The following PRKAR2A variants were observed in gnomAD, a reference collection of about 807,000 sequenced individuals.
PRKAR2A encodes the protein protein kinase cAMP-dependent type II regulatory subunit alpha.
A neutral mutation model predicts 51.9 loss-of-function variants in PRKAR2A; 29 were observed. The observed-to-expected ratio is 0.56, with a 90% CI of 0.42 to 0.76. The LOEUF is 0.76. Ranked by LOEUF, PRKAR2A falls within the 30% of genes least tolerant of loss-of-function variation. The pLI is 0.00. For synonymous variants in PRKAR2A, 178 were observed against 186.2 expected (o/e 0.96, Z 0.36); for missense variants, 445 against 512.1 (o/e 0.87, Z 1.26).
chr3:48,822,032 T>C (rs1012598846), intron 1 of PRKAR2A, among the ~76,000 whole-genome samples: 6 of 152,000 alleles, frequency 3.9e-5, no homozygotes, highest in Admixed American at 3.3e-4. Context: ...GAGACCAGCC[T>C]GGCCAACATG....
chr3:48,838,760 C>T (rs2083327144), intron 1 of PRKAR2A, among the ~76,000 whole-genome samples: 2 of 150,110 alleles, frequency 1.3e-5, no homozygotes, highest in Non-Finnish European at 3.0e-5. Flanking sequence ...AGGCGGATCA[C>T]GAGGTCAGGA....
Position 48,843,637 on chromosome 3 carries a change from G to T in PRKAR2A, c.262+3698C>A, listed in dbSNP as rs372094245. Among the ~76,000 whole-genome samples the T allele has an allele frequency of 8.7e-4, 132 of 152,184 alleles. 2 individuals carry two copies. In the East Asian group the frequency reaches 0.022, roughly 25 times the overall value. On this transcript the variant is annotated intron_variant, in intron 1 of 10. Coordinates refer to ENST00000265563, the MANE Select transcript of PRKAR2A (RefSeq NM_004157.4). Reference sequence around the variant, plus strand: ...AGCATGGTACTGGTACCAAAACAGAGATATAGATCAATGGAACAGAACAGA... The same window carrying T: ...AGCATGGTACTGGTACCAAAACAGATATATAGATCAATGGAACAGAACAGA...
chr3:48,766,896 T>C (rs1451167603), intron 6 of PRKAR2A, among the ~76,000 whole-genome samples: 1 of 152,144 alleles, frequency 6.6e-6, no homozygotes, highest in African/African-American at 2.4e-5. Flanking sequence ...CAGGCTGGCT[T>C]TGAACTCCTG....
At position 48,847,202 on chromosome 3, in the gene PRKAR2A, G is replaced by GA; in HGVS notation, c.262+132dup. ...ACGCCGGTGTCTCAGGGAAACGCTAGAAACGCGGCTACAGAGCTCCCAATC... is the reference window on the plus strand; with the variant it reads ...ACGCCGGTGTCTCAGGGAAACGCTAGAAAACGCGGCTACAGAGCTCCCAATC... On this transcript the variant is annotated intron_variant, in intron 1 of 10. Transcript: ENST00000265563. This position sits in a 1 kb window ranked among gnomAD's most constrained non-coding sequence, Gnocchi z 4.4. 1.7e-6 allele frequency: 2 copies of GA among 1,179,678 alleles called. No homozygotes were observed. The highest frequency in any genetic ancestry group is 2.3e-6 in the Non-Finnish European group (2 of 860,312). The allele number at this position is 1,179,678 out of a possible 1,614,324, so 73.1% of individuals were successfully genotyped here.
At chr3:48,838,054 T>G (rs746673810) in intron 1 of PRKAR2A, among the ~76,000 whole-genome samples, 17 of 151,950 alleles carry the variant, frequency 1.1e-4, no homozygotes, top group Non-Finnish European at 2.1e-4. Flanking sequence ...GGCGGGCGCC[T>G]GTAGTCCCAG....
intron 1 of PRKAR2A, among the ~76,000 whole-genome samples, chr3:48,833,903 G>A (rs1461735310): frequency 1.3e-5 from 2 of 151,536 alleles, no homozygotes; most frequent in East Asian, 3.9e-4. Flanking sequence ...CGGGCATGGT[G>A]GTGTGCACCT....
Position 48,847,754 on chromosome 3 carries a change from C to G in PRKAR2A, c.-158G>C. ...TTTGGCCGGCTCTGCGTTTCCGGGCCGCGCAACCCTACGCTACCACGGCCG... is the reference window on the plus strand; with the variant it reads ...TTTGGCCGGCTCTGCGTTTCCGGGCGGCGCAACCCTACGCTACCACGGCCG... On this transcript the variant is annotated 5_prime_UTR_variant, in exon 1 of 11. Transcript: ENST00000265563. This position sits in a 1 kb window ranked among gnomAD's most constrained non-coding sequence, Gnocchi z 4.4. The G allele has an allele frequency of 1.3e-6, 1 of 764,772 alleles. No homozygotes were observed. The highest frequency in any genetic ancestry group is 3.1e-5 in the South Asian group (1 of 32,770). 47.4% of individuals were successfully genotyped at this position (764,772 alleles called of 1,614,324 possible).
At chr3:48,774,871 A>G (rs534090112) in intron 5 of PRKAR2A, among the ~76,000 whole-genome samples, 1 of 151,852 alleles carries the variant, frequency 6.6e-6, no homozygotes, top group East Asian at 1.9e-4. Flanking sequence ...TATTGCATTG[A>G]CTATAACCTC....
chr3:48,777,054 C>A (rs1383700875), intron 5 of PRKAR2A, among the ~76,000 whole-genome samples: 2 of 152,098 alleles, frequency 1.3e-5, no homozygotes, highest in Non-Finnish European at 2.9e-5. Context: ...CCTGAGTGCT[C>A]CCTCCTTCGG....
At chr3:48,840,487 C>T (rs1228349588) in intron 1 of PRKAR2A, among the ~76,000 whole-genome samples, 3 of 148,098 alleles carry the variant, frequency 2.0e-5, no homozygotes, top group African/African-American at 5.0e-5. Flanking sequence ...GAGCAACACT[C>T]GGTCTTATGT....
intron 2 of PRKAR2A, among the ~76,000 whole-genome samples, chr3:48,800,948 C>T (rs1302692320): frequency 6.6e-6 from 1 of 152,168 alleles, no homozygotes; most frequent in African/African-American, 2.4e-5. Context: ...GCTGGGATTA[C>T]AGGCATGAGC....
At chr3:48,766,671 C>A (rs1360418675) in intron 6 of PRKAR2A, among the ~76,000 whole-genome samples, 1 of 152,136 alleles carries the variant, frequency 6.6e-6, no homozygotes, top group Non-Finnish European at 1.5e-5. Context: ...ACATAAATTT[C>A]AAGGTAAGAA....
At chr3:48,766,166 G>A (rs1355766096) in intron 6 of PRKAR2A, among the ~76,000 whole-genome samples, 1 of 151,956 alleles carries the variant, frequency 6.6e-6, no homozygotes, top group Non-Finnish European at 1.5e-5. Context: ...GCAGTGAGTT[G>A]TGATTGTACC....
chr3:48,803,651 C>T (rs912552168), intron 2 of PRKAR2A, among the ~76,000 whole-genome samples: 2 of 151,944 alleles, frequency 1.3e-5, no homozygotes, highest in South Asian at 2.1e-4. Flanking sequence ...CTCTCAAACT[C>T]CTGGCCTCAG....
intron 6 of PRKAR2A, among the ~76,000 whole-genome samples, chr3:48,766,811 A>G (rs1477496229): frequency 2.6e-5 from 4 of 152,180 alleles, no homozygotes; most frequent in Non-Finnish European, 5.9e-5. Context: ...AGGCAGGCAT[A>G]TGAAAGATAC....
Position 48,749,204 on chromosome 3 carries a change from C to T in PRKAR2A, c.*2381G>A, listed in dbSNP as rs1470859190. ...TGGTTTAATATAAACTTGGTTACAA[C>T]ATTCAAATTTATCTTTACGGAAATT... On this transcript the variant is annotated 3_prime_UTR_variant, in exon 11 of 11. Transcript: ENST00000265563. The T allele has an allele frequency of 3.9e-5, 6 of 152,130 alleles. No homozygotes were observed. The highest frequency in any genetic ancestry group is 1.4e-4 in the African/African-American group (6 of 41,432). 9.4% of individuals were successfully genotyped at this position (152,130 alleles called of 1,614,324 possible). A position where few individuals can be genotyped will look rare whatever the true frequency, so the allele number is the denominator to read the frequency against.
chr3:48,795,368 G>T (rs1237145544), intron 2 of PRKAR2A, among the ~76,000 whole-genome samples: 1 of 151,938 alleles, frequency 6.6e-6, no homozygotes, highest in South Asian at 2.1e-4. Context: ...ACCCTAAAAC[G>T]AAGTACAAAG....
chr3:48,765,183 C>T, intron 7 of PRKAR2A, 65 bp downstream of exon 7: 1 of 1,548,492 alleles, frequency 6.5e-7, no homozygotes, highest in Non-Finnish European at 8.9e-7. Flanking sequence ...GAAAACCTAA[C>T]AACAGAATAG....
intron 1 of PRKAR2A, among the ~76,000 whole-genome samples, chr3:48,838,173 G>A (rs565045373): frequency 3.3e-5 from 5 of 149,694 alleles, no homozygotes; most frequent in South Asian, 4.2e-4. Context: ...GCAAGACTCC[G>A]CTCAAAAAAA....
Sources: gnomAD v4.1 joint callset for allele counts (sites outside exome capture counted in the v4.1 genomes callset) on GRCh38, gnomAD v4.1.1 for gene constraint, Gnocchi (gnomAD v3.1) non-coding constraint, MANE v1.5 for transcripts, NCBI Gene and HGNC (gene_info 2026-07-23, HGNC 2026-07-21) for gene names.